CDC25B: variants seen among roughly 807,000 people sequenced by gnomAD.
CDC25B encodes the protein cell division cycle 25B.
Under a neutral mutation model 69.8 loss-of-function variants are expected in CDC25B, and 33 were observed. The observed-to-expected ratio is 0.47, with a 90% CI of 0.36 to 0.63. The LOEUF is 0.63. Among genes scored for constraint, CDC25B ranks in the 30% least tolerant of loss-of-function variants. CDC25B has a pLI of 0.00. For missense variants in CDC25B, 727 were observed against 809.1 expected (o/e 0.90, Z 1.23); for synonymous variants, 341 against 314.6 (o/e 1.08, Z -0.89).
chr20:3,797,711 C>T lies in CDC25B; in HGVS notation c.290C>T (p.Ser97Phe), dbSNP rs1425997425. ...TCCCTGTCTCGACGGGCATCCGAATCCTCCCTGTCGTCTGAATCCTCCGAA... is the reference window on the plus strand; with the variant it reads ...TCCCTGTCTCGACGGGCATCCGAATTCTCCCTGTCGTCTGAATCCTCCGAA... ...HLSLSRRASE[S>F]SLSSESSESS... is the part of the protein sequence containing the mutation. Residue 97 changes from serine (S) to phenylalanine (F), a missense_variant, in exon 2 of 16, where the codon TCC becomes TTC. Ser to Phe is a radical substitution (Grantham distance 155). Around this residue, in one of 2 missense-constraint regions of CDC25B, gnomAD observed 368 missense variants for 345.6 expected, o/e 1.06. Coordinates refer to ENST00000245960, the MANE Select transcript of CDC25B (RefSeq NM_021873.4). 2.5e-6 allele frequency: 4 copies of T among 1,614,038 alleles called. No individual in the cohort carries two copies. In the African/African-American group the frequency reaches 5.3e-5, roughly 22 times the overall value.
chr20:3,802,442 C>A (rs940344446), intron 11 of CDC25B, 66 bp downstream of exon 11: 4 of 1,112,472 alleles, frequency 3.6e-6, no homozygotes, highest in Admixed American at 1.9e-5. Flanking sequence ...GTCCTCTAGC[C>A]CAGGGGCTGC....
At chr20:3,800,191 C>G in intron 3 of CDC25B, 97 bp from the exon 4 acceptor site, 1 of 553,970 alleles carries the variant, frequency 1.8e-6, no homozygotes, top group East Asian at 6.9e-5. Context: ...TGGCCCTTGT[C>G]TTTGCCCTTA....
At chr20:3,798,898 G>A (rs1039206858) in intron 3 of CDC25B, among the ~76,000 whole-genome samples, 1 of 152,232 alleles carries the variant, frequency 6.6e-6, no homozygotes, top group African/African-American at 2.4e-5. Context: ...GTTGCCTGCA[G>A]ATTGATTTGG....
intron 1 of CDC25B, among the ~76,000 whole-genome samples, chr20:3,788,574 A>G (rs2088863349): frequency 6.6e-6 from 1 of 152,178 alleles, no homozygotes; most frequent in Non-Finnish European, 1.5e-5. Flanking sequence ...GATATAAAAG[A>G]TATTCTTTTA....
At chr20:3,790,300 C>T (rs993292033) in intron 1 of CDC25B, among the ~76,000 whole-genome samples, 1 of 149,634 alleles carries the variant, frequency 6.7e-6, no homozygotes, top group Non-Finnish European at 1.5e-5. Flanking sequence ...AGATATATTT[C>T]AAGAAGCATA....
chr20:3,800,184 C>T (rs1364783674), intron 3 of CDC25B, 104 bp from the exon 4 acceptor site: 5 of 1,110,206 alleles, frequency 4.5e-6, no homozygotes, highest in African/African-American at 1.6e-5. Context: ...TGAGCCTTGG[C>T]CCTTGTCTTT....
In CDC25B at chr20:3,796,560, C is replaced by A; in HGVS notation, c.29C>A (p.Pro10Gln). 6.8e-7 allele frequency: 1 copy of A among 1,477,296 alleles called. No individual in the cohort carries two copies. The allele number at this position is 1,477,296 out of a possible 1,614,324, so 91.5% of individuals were successfully genotyped here. A position where few individuals can be genotyped will look rare whatever the true frequency, so the allele number is the denominator to read the frequency against. MEVPQPEPAPGSALSPAGVC... is the reference protein window; with the variant it reads MEVPQPEPAQGSALSPAGVC... Reference sequence around the variant, plus strand: ...GAGGTGCCCCAGCCGGAGCCCGCGCCAGGCTCGGCTCTCAGTCCAGCAGGC... The same window carrying A: ...GAGGTGCCCCAGCCGGAGCCCGCGCAAGGCTCGGCTCTCAGTCCAGCAGGC... Residue 10 changes from proline (P) to glutamine (Q), a missense_variant, in exon 1 of 16, where the codon CCA (proline) becomes CAA (glutamine). Transcript: ENST00000245960.
intron 7 of CDC25B, 26 bp from the exon 8 acceptor site, chr20:3,801,228 T>G: frequency 6.2e-7 from 1 of 1,611,712 alleles, no homozygotes; most frequent in East Asian, 2.2e-5. Flanking sequence ...CACCTCTAAG[T>G]CTGTGTCTGT....
intron 3 of CDC25B, among the ~76,000 whole-genome samples, chr20:3,799,543 T>G (rs1309192494): frequency 1.4e-5 from 2 of 148,098 alleles, no homozygotes; most frequent in Admixed American, 6.6e-5. Flanking sequence ...CGCGCGTAGA[T>G]GCACAAAAGC....
rs768561202 is a variant in CDC25B at position 3,801,309 on chromosome 20, G to A, written c.761G>A (p.Gly254Asp). ...GAGGAGCTCAGCCCCCTGGCCCTAG[G>A]TCGCTTCTCTCTGACCCCTGCAGAG... ...EVEELSPLALGRFSLTPAEGD... is the reference protein window; with the variant it reads ...EVEELSPLALDRFSLTPAEGD... Residue 254 changes from glycine to aspartate, a missense_variant, in exon 8 of 16, where the codon GGT becomes GAT. Around this residue, in one of 2 missense-constraint regions of CDC25B, gnomAD observed 359 missense variants for 463.4 expected, o/e 0.77. Transcript: ENST00000245960. 44 of 1,614,052 alleles carry A rather than the reference G, an allele frequency of 2.7e-5. No individual in the cohort carries two copies. The African/African-American group carries it at 4.8e-4, about 18-fold the overall frequency.
chr20:3,798,373 G>A, intron 2 of CDC25B, 39 bp from the exon 3 acceptor site: 1 of 908,042 alleles, frequency 1.1e-6, no homozygotes, highest in Admixed American at 3.1e-5. Flanking sequence ...AATACAGAAA[G>A]TGCCACTACT....
intron 1 of CDC25B, among the ~76,000 whole-genome samples, chr20:3,789,705 C>T (rs1038384956): frequency 7.2e-6 from 1 of 138,980 alleles, no homozygotes; most frequent in Non-Finnish European, 1.6e-5. Context: ...ATAAAGAGAA[C>T]AACATTGGGC....
In CDC25B at chr20:3,805,666, GTTA is replaced by G. The variant is rs1449441928; in HGVS notation, c.*710_*712del. 2 of 401,376 alleles carry G rather than the reference GTTA, an allele frequency of 5.0e-6. No individual in the cohort carries two copies. The highest frequency in any genetic ancestry group is 4.4e-5 in the Admixed American group (1 of 22,726). 24.9% of individuals were successfully genotyped at this position (401,376 alleles called of 1,614,324 possible). A position where few individuals can be genotyped will look rare whatever the true frequency, so the allele number is the denominator to read the frequency against. On this transcript the variant is annotated 3_prime_UTR_variant, in exon 16 of 16. Coordinates refer to ENST00000245960, the MANE Select transcript of CDC25B (RefSeq NM_021873.4). ...CAGTTTTGTTGCCCCAGAAAGGGAT[GTTA>G]TTATCCTTGGGGGCTCCCAGGGCAA...
chr20:3,797,508 G>A lies in CDC25B; in HGVS notation c.201-114G>A, dbSNP rs11569982. ...GGGCCCTCAGGGCCATTGCTTTCCC[G>A]GTGTAGTGTTTCGCTCAGTTCTTTT... On this transcript the variant is annotated intron_variant, in intron 1 of 15. Coordinates refer to ENST00000245960, the MANE Select transcript of CDC25B (RefSeq NM_021873.4). 10,009 of 1,356,254 alleles carry A rather than the reference G, an allele frequency of 7.4e-3. 585 individuals are homozygous for A. In the African/African-American group the frequency reaches 0.13, roughly 17 times the overall value. The allele number at this position is 1,356,254 out of a possible 1,614,324, so 84.0% of individuals were successfully genotyped here. A position where few individuals can be genotyped will look rare whatever the true frequency, so the allele number is the denominator to read the frequency against.
In CDC25B at chr20:3,796,430, C is replaced by CCCA. The variant is rs1309986853; in HGVS notation, c.-102_-101insCCA. On this transcript the variant is annotated 5_prime_UTR_variant, in exon 1 of 16. Transcript: ENST00000245960. ...CTCCCTCCCTCCTTCCCCCCCCCCC[C>CCCA]ACCCCTCGCCCGCTGCCTCCCTCGG... is the stretch of plus-strand genomic sequence containing the variant. The CCCA allele has an allele frequency of 8.5e-6, 3 of 354,980 alleles. No homozygotes were observed. The highest frequency in any genetic ancestry group is 1.2e-5 in the Non-Finnish European group (3 of 246,648). 22.0% of individuals were successfully genotyped at this position (354,980 alleles called of 1,614,324 possible).
intron 6 of CDC25B, 53 bp downstream of exon 6, chr20:3,800,918 G>T: frequency 6.2e-7 from 1 of 1,612,330 alleles, no homozygotes; most frequent in Non-Finnish European, 8.5e-7. Context: ...GAGGGGGCAT[G>T]CTGGGGTGGT....
At chr20:3,801,683 C>A in intron 8 of CDC25B, 39 bp from the exon 9 acceptor site, 1 of 1,505,724 alleles carries the variant, frequency 6.6e-7, no homozygotes, top group Non-Finnish European at 9.0e-7. Context: ...TGGCCTATGC[C>A]TGTGGGTTGT....
At chr20:3,793,530 C>T (rs1454762168), upstream of CDC25B, among the ~76,000 whole-genome samples, 3 of 151,240 alleles carry the variant, frequency 2.0e-5, no homozygotes, top group Non-Finnish European at 4.4e-5. Context: ...CCAGAGGTGA[C>T]CTGACTGTGG....
intron 3 of CDC25B, among the ~76,000 whole-genome samples, chr20:3,799,180 A>G (rs746254035): frequency 6.6e-6 from 1 of 152,122 alleles, no homozygotes; most frequent in Non-Finnish European, 1.5e-5. Context: ...TGGGTTTAGG[A>G]TAGTGACTTG....
Sources: gnomAD v4.1 joint callset for allele counts (sites outside exome capture counted in the v4.1 genomes callset) on GRCh38, gnomAD v4.1.1 for gene constraint, gnomAD v4.1.1 regional missense constraint, MANE v1.5 for transcripts, NCBI Gene and HGNC (gene_info 2026-07-23, HGNC 2026-07-21) for gene names.